The following PRR12 variants were observed in gnomAD, a reference collection of about 807,000 sequenced individuals.
PRR12 encodes the protein proline-rich protein 12.
A neutral mutation model predicts 138.0 loss-of-function variants in PRR12; 12 were observed. The observed-to-expected ratio is 0.09, with a 90% CI of 0.06 to 0.14. PRR12 has a LOEUF of 0.14. PRR12 is among the 10% of genes least tolerant of loss of function. PRR12 has a pLI of 1.00. For missense variants in PRR12, 2,692 were observed against 2,861.3 expected, an observed-to-expected ratio of 0.94 and a Z score of 1.35; for synonymous variants, 1,567 against 1,291.7, an observed-to-expected ratio of 1.21 and a Z score of -4.57.
rs771291544 is a variant in PRR12 at position 49,596,585 on chromosome 19, G to T, written c.2250G>T (p.Gly750=). Residue 750 remains glycine (G), a synonymous_variant, in exon 4 of 14, where the codon GGG becomes GGT. Coordinates refer to ENST00000418929, the MANE Select transcript of PRR12 (RefSeq NM_020719.3). This position sits in a 1 kb window ranked among gnomAD's most constrained non-coding sequence, Gnocchi z 5.6. ...TGGCCACCTCTGTTGTCCACTACGG[G>T]GCAGGCGCCAAGGAGCTGGGGGCCT... ...EGLATSVVHY[G]AGAKELGAFL... 1.3e-6 allele frequency: 2 copies of T among 1,596,466 alleles called. No individual in the cohort carries two copies. The highest frequency in any genetic ancestry group is 1.7e-6 in the Non-Finnish European group (2 of 1,172,264).
At chr19:49,617,823 C>T (rs1326440809) in intron 9 of PRR12, among the ~76,000 whole-genome samples, 2 of 151,970 alleles carry the variant, frequency 1.3e-5, no homozygotes, top group Non-Finnish European at 2.9e-5. Flanking sequence ...AAAATAAAAG[C>T]GGCCGGGCAC....
In PRR12 at chr19:49,616,999, G is replaced by A. The variant is rs763895311; in HGVS notation, c.5497+780G>A. On this transcript the variant is annotated intron_variant, in intron 9 of 13. Transcript: ENST00000418929. The surrounding 1 kb of genome is among the most constrained non-coding windows in gnomAD (Gnocchi z 4.2). ...ACAAAAATTAGCCCAGCATGGTGGC[G>A]TGTGCCTGTAATCCCAGCTACTCAA... is the stretch of plus-strand genomic sequence containing the variant. Among the ~76,000 whole-genome samples the A allele has an allele frequency of 3.9e-5, 6 of 152,002 alleles. No individual in the cohort carries two copies. The highest frequency in any genetic ancestry group is 7.4e-5 in the Non-Finnish European group (5 of 68,002).
In PRR12 at chr19:49,601,600, A is replaced by G. The variant is rs1599790857; in HGVS notation, c.4455A>G (p.Pro1485=). 9 of 1,412,576 alleles carry G rather than the reference A, an allele frequency of 6.4e-6. No homozygotes were observed. Among genetic ancestry groups the G allele is most frequent in the Non-Finnish European group, 8.3e-6 (9 of 1,078,302 alleles). 87.5% of individuals were successfully genotyped at this position (1,412,576 alleles called of 1,614,324 possible). The part of the protein sequence containing the change: ...PPPPQPALPS[P]PPLVAPTPSS... ...CGCCACAGCCAGCCCTGCCCTCGCC[A>G]CCCCCGCTGGTGGCCCCCACGCCCA... Residue 1485 remains proline (P), a synonymous_variant, in exon 6 of 14, where the codon CCA becomes CCG. Transcript: ENST00000418929.
In PRR12 at chr19:49,596,313, G is replaced by A. The variant is rs757865225; in HGVS notation, c.1978G>A (p.Gly660Ser). The A allele has an allele frequency of 8.1e-6, 13 of 1,610,842 alleles. No homozygotes were observed. The highest frequency in any genetic ancestry group is 6.7e-5 in the East Asian group (3 of 44,858). The change falls in exon 4 of 14, where the codon GGC becomes AGC. Residue 660 changes from glycine (G) to serine (S), a missense_variant. By Grantham distance (56) the Gly-to-Ser change is moderately conservative (BLOSUM62 0). Transcript: ENST00000418929. The surrounding 1 kb of genome is among the most constrained non-coding windows in gnomAD (Gnocchi z 5.6). ...CCCTCCTCGGACCTCAGGGGCGGACGGCTTGGTGGGCGAGGACGGGGCAGC... is the reference window on the plus strand; with the variant it reads ...CCCTCCTCGGACCTCAGGGGCGGACAGCTTGGTGGGCGAGGACGGGGCAGC... The part of the protein sequence containing the change: ...PSPPRTSGAD[G>S]LVGEDGAADA...
At chr19:49,622,142 A>T (rs775522135) in intron 11 of PRR12, among the ~76,000 whole-genome samples, 4 of 152,192 alleles carry the variant, frequency 2.6e-5, no homozygotes, top group Non-Finnish European at 5.9e-5. Context: ...GACTTCTGGA[A>T]TCGAATGTTA....
At position 49,598,452 on chromosome 19, in the gene PRR12, C is replaced by T. The variant is rs1373994068; in HGVS notation, c.3678+439C>T. Among the ~76,000 whole-genome samples the T allele has an allele frequency of 3.3e-5, 5 of 152,096 alleles. No homozygotes were observed. The South Asian group carries it at 8.3e-4, about 25-fold the overall frequency. On this transcript the variant is annotated intron_variant, in intron 4 of 13. Coordinates refer to ENST00000418929, the MANE Select transcript of PRR12 (RefSeq NM_020719.3). ...TGGGGCAGGGGGATAATAAGGTTTA[C>T]ATTTCTAAAATCTGTGAGGAAGTTA...
chr19:49,625,686 C>A lies in PRR12; in HGVS notation c.*79C>A, dbSNP rs953339753. 37 of 1,485,508 alleles carry A rather than the reference C, an allele frequency of 2.5e-5. No individual in the cohort carries two copies. Among genetic ancestry groups the A allele is most frequent in the Non-Finnish European group, 3.2e-5 (36 of 1,116,184 alleles). The allele number at this position is 1,485,508 out of a possible 1,614,324, so 92.0% of individuals were successfully genotyped here. ...AGAACCGTGTCCTCAGGAGCTAACACCTGGGCTCCATCGCCGGGGAAAGGG... is the reference window on the plus strand; with the variant it reads ...AGAACCGTGTCCTCAGGAGCTAACAACTGGGCTCCATCGCCGGGGAAAGGG... On this transcript the variant is annotated 3_prime_UTR_variant, in exon 14 of 14. Coordinates refer to ENST00000418929, the MANE Select transcript of PRR12 (RefSeq NM_020719.3). This position sits in a 1 kb window ranked among gnomAD's most constrained non-coding sequence, Gnocchi z 5.5.
rs1415593831 is a variant in PRR12 at position 49,595,910 on chromosome 19, C to G, written c.1575C>G (p.Pro525=). The stretch of plus-strand genomic sequence containing the variant: ...CAGCCGCCCACTCCCAGGGGCTGCC[C>G]ACAGCCAGCCCCTCGCTCAGCTACA... ...PGPAAHSQGL[P]TASPSLSYST... is the part of the protein sequence containing the mutation. Residue 525 remains proline, a synonymous_variant, in exon 4 of 14, where the codon CCC becomes CCG. Coordinates refer to ENST00000418929, the MANE Select transcript of PRR12 (RefSeq NM_020719.3). The G allele has an allele frequency of 6.2e-7, 1 of 1,602,552 alleles. No individual in the cohort carries two copies. Among genetic ancestry groups the G allele is most frequent in the African/African-American group, 1.3e-5 (1 of 74,908 alleles).
chr19:49,620,143 C>T (rs771326019), intron 9 of PRR12, among the ~76,000 whole-genome samples: 33 of 152,180 alleles, frequency 2.2e-4, no homozygotes, highest in Non-Finnish European at 3.7e-4. Flanking sequence ...GCCACTGTGC[C>T]TGGCCTTCTC....
intron 10 of PRR12, 127 bp downstream of exon 10, chr19:49,620,604 A>T: frequency 1.5e-6 from 2 of 1,348,308 alleles, no homozygotes; most frequent in South Asian, 1.4e-5. Flanking sequence ...AGGGAAGAGG[A>T]GCTGAGGCCT....
At chr19:49,591,852 C>G (rs1261341018) in intron 1 of PRR12, 112 bp downstream of exon 1, 1 of 576,890 alleles carries the variant, frequency 1.7e-6, no homozygotes, top group East Asian at 3.5e-5. Flanking sequence ...AACTCCCCTC[C>G]GGCTTGCAAG....
At position 49,599,186 on chromosome 19, in the gene PRR12, T is replaced by G; in HGVS notation, c.3679-86T>G. On this transcript the variant is annotated intron_variant, in intron 4 of 13. Coordinates refer to ENST00000418929, the MANE Select transcript of PRR12 (RefSeq NM_020719.3). This position sits in a 1 kb window ranked among gnomAD's most constrained non-coding sequence, Gnocchi z 5.0. ...TATAAATTCACAGGCTGAGCACCTG[T>G]AAATTTGGATTTTTGGGGGCTGAGG... 7.5e-7 allele frequency: 1 copy of G among 1,335,268 alleles called. No individual in the cohort carries two copies. Among genetic ancestry groups the G allele is most frequent in the Admixed American group, 2.8e-5 (1 of 36,154 alleles). The allele number at this position is 1,335,268 out of a possible 1,614,324, so 82.7% of individuals were successfully genotyped here.
Position 49,600,061 on chromosome 19 carries a change from G to A in PRR12, c.4345+123G>A, listed in dbSNP as rs960616085. 42 of 1,105,986 alleles carry A rather than the reference G, an allele frequency of 3.8e-5. No individual in the cohort carries two copies. In the South Asian group the frequency reaches 6.0e-4, roughly 16 times the overall value. 68.5% of individuals were successfully genotyped at this position (1,105,986 alleles called of 1,614,324 possible). A position where few individuals can be genotyped will look rare whatever the true frequency, so the allele number is the denominator to read the frequency against. On this transcript the variant is annotated intron_variant, in intron 5 of 13. Transcript: ENST00000418929. ...TCACATACATGGTGTAAGCTTGCGT[G>A]TTTATGAAGGGACTTTCCTGATTAC...
intron 6 of PRR12, among the ~76,000 whole-genome samples, chr19:49,604,097 G>T (rs575186103): frequency 1.3e-5 from 2 of 152,094 alleles, no homozygotes; most frequent in Non-Finnish European, 2.9e-5. Flanking sequence ...GGGATTACAG[G>T]CATGAACCAC....
chr19:49,599,805 C>T lies in PRR12; in HGVS notation c.4212C>T (p.Ala1404=). The T allele has an allele frequency of 6.2e-7, 1 of 1,613,608 alleles. No homozygotes were observed. Among genetic ancestry groups the T allele is most frequent in the Middle Eastern group, 1.6e-4 (1 of 6,062 alleles). ...AGAGCATCTCCTCCGCCATCTCTGC[C>T]CTCGATGACCCACCCCTTGCTGGGC... is the stretch of plus-strand genomic sequence containing the variant. ...LQESISSAIS[A]LDDPPLAGPK... Residue 1404 remains alanine (A), a synonymous_variant, in exon 5 of 14, where the codon GCC becomes GCT. Coordinates refer to ENST00000418929, the MANE Select transcript of PRR12 (RefSeq NM_020719.3). The surrounding 1 kb of genome is among the most constrained non-coding windows in gnomAD (Gnocchi z 5.0).
intron 9 of PRR12, among the ~76,000 whole-genome samples, chr19:49,618,294 T>C (rs111718072): frequency 0.046 from 6,926 of 152,036 alleles, 203 homozygotes; most frequent in South Asian, 0.11. Context: ...CATCAAGCTC[T>C]GTGTCCTGGC....
Position 49,596,441 on chromosome 19 carries a change from T to A in PRR12, c.2106T>A (p.Ser702Arg). ...KEDPQRYHLQ[S>R]VIRTSASLDE... ...ACCCCCAGAGGTACCACCTGCAGAG[T>A]GTCATCCGCACCAGTGCCAGCCTGG... is the stretch of plus-strand genomic sequence containing the variant. Residue 702 changes from serine to arginine, a missense_variant, in exon 4 of 14, where the codon AGT (serine) becomes AGA (arginine). By Grantham distance (110) the Ser-to-Arg change is moderately radical. Transcript: ENST00000418929. The surrounding 1 kb of genome is among the most constrained non-coding windows in gnomAD (Gnocchi z 5.6). 6.2e-7 allele frequency: 1 copy of A among 1,608,862 alleles called. No homozygotes were observed. Among genetic ancestry groups the A allele is most frequent in the Non-Finnish European group, 8.5e-7 (1 of 1,178,968 alleles).
At chr19:49,617,926 C>T (rs770652564) in intron 9 of PRR12, among the ~76,000 whole-genome samples, 3 of 151,946 alleles carry the variant, frequency 2.0e-5, no homozygotes, top group Admixed American at 6.6e-5. Flanking sequence ...GGAGAAACCC[C>T]GTCTCTACTA....
In PRR12 at chr19:49,597,060, C is replaced by G. The variant is rs1439882457; in HGVS notation, c.2725C>G (p.Pro909Ala). 15 of 1,553,002 alleles carry G rather than the reference C, an allele frequency of 9.7e-6. No homozygotes were observed. In the East Asian group the frequency reaches 2.7e-4, roughly 28 times the overall value. ...CCCACCAAACTCGGAGGGCAAGGAT[C>G]CCGCAGGCGCCTACCGCAGCCCCAG... The part of the protein sequence containing the change: ...VGPPNSEGKD[P>A]AGAYRSPSPQ... Residue 909 changes from proline to alanine, a missense_variant, in exon 4 of 14, where the codon CCC becomes GCC. Transcript: ENST00000418929. This position sits in a 1 kb window ranked among gnomAD's most constrained non-coding sequence, Gnocchi z 6.3.
Sources: allele counts gnomAD v4.1 joint callset (sites outside exome capture counted in the v4.1 genomes callset), GRCh38; gene constraint gnomAD v4.1.1; non-coding constraint Gnocchi (gnomAD v3.1); transcripts MANE v1.5; gene names NCBI Gene and HGNC (gene_info 2026-07-23, HGNC 2026-07-21).